BAZ2B: variants seen among roughly 807,000 people sequenced by gnomAD.
BAZ2B encodes bromodomain adjacent to zinc finger domain protein 2B.
Under a neutral mutation model 246.0 loss-of-function variants are expected in BAZ2B, and 91 were observed. That is an observed-to-expected ratio of 0.37 (90% CI 0.31 to 0.44). The LOEUF is 0.44. Ranked by LOEUF, BAZ2B falls within the 20% of genes least tolerant of loss-of-function variation. The pLI, the probability that BAZ2B is intolerant of heterozygous loss-of-function variation, is 1.00. For synonymous variants in BAZ2B, 855 were observed against 860.0 expected (o/e 0.99, Z 0.10); for missense variants, 2,332 against 2,533.7 (o/e 0.92, Z 1.71).
chr2:159,547,483 C>T (rs1334012157), intron 2 of BAZ2B, among the ~76,000 whole-genome samples: 1 of 152,106 alleles, frequency 6.6e-6, no homozygotes, highest in African/African-American at 2.4e-5. Context: ...CAGTGTACAA[C>T]ACCCATTTTC....
chr2:159,628,224 T>C, the BAZ2B span, among the ~76,000 whole-genome samples: 1 of 152,132 alleles, frequency 6.6e-6, no homozygotes, highest in South Asian at 2.1e-4. Context: ...GAGTCAATAT[T>C]GTGAAAATGG....
At chr2:159,366,041 C>T (rs1342535240) in intron 27 of BAZ2B, among the ~76,000 whole-genome samples, 1 of 152,182 alleles carries the variant, frequency 6.6e-6, no homozygotes, top group Non-Finnish European at 1.5e-5. Context: ...CAGATAACAC[C>T]ATGGGAATTA....
intron 2 of BAZ2B, among the ~76,000 whole-genome samples, chr2:159,482,996 G>C (rs1278907352): frequency 2.6e-5 from 4 of 152,056 alleles, no homozygotes; most frequent in Admixed American, 6.6e-5. Context: ...TTTGTGTTAA[G>C]AATACTCCTT....
At chr2:159,373,719 C>T (rs2061099176) in intron 26 of BAZ2B, among the ~76,000 whole-genome samples, 1 of 152,096 alleles carries the variant, frequency 6.6e-6, no homozygotes, top group South Asian at 2.1e-4. Context: ...GTAGTTCCAC[C>T]ACCAGGGAGG....
the BAZ2B span, among the ~76,000 whole-genome samples, chr2:159,673,994 T>A: frequency 6.6e-6 from 1 of 151,522 alleles, no homozygotes; most frequent in African/African-American, 2.4e-5. Flanking sequence ...TTGTATAGTT[T>A]TTATTTAAGA....
the BAZ2B span, among the ~76,000 whole-genome samples, chr2:159,658,180 T>C: frequency 6.6e-6 from 1 of 152,238 alleles, no homozygotes; most frequent in Non-Finnish European, 1.5e-5. Flanking sequence ...CATCTATTGA[T>C]AGGATCATAT....
chr2:159,543,181 T>A (rs2086867012), intron 2 of BAZ2B, among the ~76,000 whole-genome samples: 1 of 152,238 alleles, frequency 6.6e-6, no homozygotes, highest in Admixed American at 6.5e-5. Flanking sequence ...TTATAGAGGT[T>A]CTAAAAATTT....
At chr2:159,596,662 T>C (rs1178771838) in intron 1 of BAZ2B, among the ~76,000 whole-genome samples, 2 of 152,186 alleles carry the variant, frequency 1.3e-5, no homozygotes, top group African/African-American at 4.8e-5. Flanking sequence ...TTTGTAATCT[T>C]TTATCCCTCA....
At chr2:159,579,070 A>G (rs1185180884) in intron 1 of BAZ2B, among the ~76,000 whole-genome samples, 1 of 152,182 alleles carries the variant, frequency 6.6e-6, no homozygotes, top group Non-Finnish European at 1.5e-5. Flanking sequence ...AATAACTAAG[A>G]TCAGAGCAGA....
At chr2:159,624,764 T>C in the BAZ2B span, among the ~76,000 whole-genome samples, 1 of 152,054 alleles carries the variant, frequency 6.6e-6, no homozygotes, top group Non-Finnish European at 1.5e-5. Context: ...AAGACCAGAA[T>C]GCCTCTTCTC....
At position 159,405,085 on chromosome 2, in the gene BAZ2B, G is replaced by C; in HGVS notation, c.2707C>G (p.Leu903Val). Reference sequence around the variant, plus strand: ...TCCTGCTTTTGAAGTTTTCTCAAAAGCTTTATTTGTGCTGCTTGCCTGGCT... The same window carrying C: ...TCCTGCTTTTGAAGTTTTCTCAAAACCTTTATTTGTGCTGCTTGCCTGGCT... The part of the protein sequence containing the change: ...EIARQAAQIK[L>V]LRKLQKQEQA... Residue 903 changes from leucine to valine, a missense_variant, in exon 15 of 37, where the codon CTT becomes GTT. Physicochemically the swap from Leu to Val is conservative, Grantham distance 32. Transcript: ENST00000392783. 6.2e-7 allele frequency: 1 copy of C among 1,614,062 alleles called. No homozygotes were observed. Among genetic ancestry groups the C allele is most frequent in the South Asian group, 1.1e-5 (1 of 91,078 alleles).
chr2:159,705,674 A>T, the BAZ2B span, among the ~76,000 whole-genome samples: 2 of 152,322 alleles, frequency 1.3e-5, no homozygotes, highest in East Asian at 1.9e-4. Flanking sequence ...AAAATGATAA[A>T]TTTTTTAAGA....
the BAZ2B span, among the ~76,000 whole-genome samples, chr2:159,676,813 A>G: frequency 2.0e-5 from 3 of 152,022 alleles, no homozygotes; most frequent in Non-Finnish European, 2.9e-5. Context: ...GGTGATAAAA[A>G]AGTTTTGGAA....
chr2:159,455,778 T>G (rs1052597278), intron 3 of BAZ2B, among the ~76,000 whole-genome samples: 8 of 147,554 alleles, frequency 5.4e-5, no homozygotes, highest in South Asian at 2.1e-4. Flanking sequence ...TTTTTTTTTT[T>G]TTTTTTTTTT....
intron 2 of BAZ2B, among the ~76,000 whole-genome samples, chr2:159,505,192 A>G (rs994205658): frequency 6.6e-6 from 1 of 152,246 alleles, no homozygotes; most frequent in Non-Finnish European, 1.5e-5. Context: ...ATGTAATTTC[A>G]TAGAAGAGAA....
chr2:159,647,140 G>T, the BAZ2B span, among the ~76,000 whole-genome samples: 3 of 152,044 alleles, frequency 2.0e-5, no homozygotes, highest in African/African-American at 7.2e-5. Flanking sequence ...ATCTATATTA[G>T]TCAGGATTCT....
At chr2:159,619,587 T>C (rs967438426), upstream of BAZ2B, among the ~76,000 whole-genome samples, 6 of 150,872 alleles carry the variant, frequency 4.0e-5, no homozygotes, top group African/African-American at 1.5e-4. Flanking sequence ...TTTAAAATTA[T>C]TTAATGTTAT....
At chr2:159,637,867 T>G in the BAZ2B span, among the ~76,000 whole-genome samples, 1 of 152,194 alleles carries the variant, frequency 6.6e-6, no homozygotes, top group Non-Finnish European at 1.5e-5. Context: ...TGGCTGTAAA[T>G]TTCTAAAGTT....
chr2:159,568,737 T>C (rs1185844660), intron 1 of BAZ2B, among the ~76,000 whole-genome samples: 3 of 152,198 alleles, frequency 2.0e-5, no homozygotes, highest in Admixed American at 6.5e-5. Context: ...CTCAAACTAA[T>C]TAATCAGATT....
Sources: gnomAD v4.1 joint callset for allele counts (sites outside exome capture counted in the v4.1 genomes callset) on GRCh38, gnomAD v4.1.1 for gene constraint, MANE v1.5 for transcripts, NCBI Gene and HGNC (gene_info 2026-07-23, HGNC 2026-07-21) for gene names.